Variants in LIN37 observed in about 807,000 individuals in gnomAD.
The protein encoded by LIN37 is protein lin-37 homolog.
In LIN37, 21 loss-of-function variants were observed where a neutral mutation model predicts 38.0. The observed-to-expected ratio is 0.55, with a 90% confidence interval of 0.39 to 0.80. The LOEUF is 0.80. LIN37 is among the 30% of genes least tolerant of loss of function. The pLI is 0.00. For synonymous variants in LIN37, 126 were observed against 122.9 expected (o/e 1.03, Z -0.17); for missense variants, 273 against 338.5 (o/e 0.81, Z 1.52).
At position 35,748,612 on chromosome 19, in the gene LIN37, C is replaced by T. The variant is rs1280150874; in HGVS notation, c.-113C>T. The stretch of plus-strand genomic sequence containing the variant: ...TGGACACAACCAAAGGCGGAGGACC[C>T]GTGGCCCACGAAGCTCATCTTTGAA... On this transcript the variant is annotated 5_prime_UTR_variant, in exon 1 of 9. Transcript: ENST00000301159. 7 of 1,440,940 alleles carry T rather than the reference C, an allele frequency of 4.9e-6. No homozygotes were observed. The highest frequency in any genetic ancestry group is 2.3e-5 in the East Asian group (1 of 43,910). The allele number at this position is 1,440,940 out of a possible 1,614,324, so 89.3% of individuals were successfully genotyped here.
chr19:35,754,235 T>C lies in LIN37; in HGVS notation c.586-11T>C, dbSNP rs1970722430. On this transcript the variant is annotated splice_polypyrimidine_tract_variant and intron_variant, in intron 7 of 8. Coordinates refer to ENST00000301159, the MANE Select transcript of LIN37 (RefSeq NM_019104.3). ...GAATGGCCACTCAACCTGGCCTGTC[T>C]GTCCATGCAGCCCTCTGAGCCCGAG... 1 of 1,614,018 alleles carries C rather than the reference T, an allele frequency of 6.2e-7. No homozygotes were observed. Among genetic ancestry groups the C allele is most frequent in the Non-Finnish European group, 8.5e-7 (1 of 1,179,882 alleles).
chr19:35,753,258 G>T lies in LIN37; in HGVS notation c.444+5G>T, dbSNP rs775090538. 1.9e-6 allele frequency: 3 copies of T among 1,545,944 alleles called. 1 individual carries two copies. The South Asian group carries it at 3.6e-5, about 18-fold the overall frequency. Reference sequence around the variant, plus strand: ...CCGCTGCCTGAGGATGAGGAGGTGGGATGGGTAGTGGGTCCCAGCCCAGCA... The same window carrying T: ...CCGCTGCCTGAGGATGAGGAGGTGGTATGGGTAGTGGGTCCCAGCCCAGCA... On this transcript the variant is annotated splice_donor_5th_base_variant and intron_variant, in intron 6 of 8. Transcript: ENST00000301159.
chr19:35,748,697 C>T lies in LIN37; in HGVS notation c.-28C>T, dbSNP rs1354846507. On this transcript the variant is annotated 5_prime_UTR_variant, in exon 1 of 9. Transcript: ENST00000301159. Reference sequence around the variant, plus strand: ...CTAGGCCCTTTGGGGCGCCTCTGACCCAGCTAGCCAGATCCCGGACCCAAA... The same window carrying T: ...CTAGGCCCTTTGGGGCGCCTCTGACTCAGCTAGCCAGATCCCGGACCCAAA... 1.2e-6 allele frequency: 2 copies of T among 1,613,854 alleles called. No homozygotes were observed. The highest frequency in any genetic ancestry group is 1.6e-4 in the Middle Eastern group (1 of 6,062).
At chr19:35,748,836 C>T in intron 1 of LIN37, 78 bp downstream of exon 1, 2 of 1,610,458 alleles carry the variant, frequency 1.2e-6, no homozygotes, top group Non-Finnish European at 1.7e-6. Flanking sequence ...GGGAGTATCG[C>T]GGAAAGGGGA....
intron 1 of LIN37, among the ~76,000 whole-genome samples, chr19:35,750,304 C>T (rs759564689): frequency 1.3e-5 from 2 of 152,098 alleles, no homozygotes; most frequent in Admixed American, 6.6e-5. Flanking sequence ...GGACGTGATC[C>T]GTACCCTCTG....
chr19:35,754,425 G>C lies in LIN37; in HGVS notation c.692G>C (p.Arg231Pro). Reference protein sequence around the residue: ...WKEASHRNQLRYSESMKILRE... With the variant: ...WKEASHRNQLPYSESMKILRE... ...GAGGCCTCTCATCGGAACCAGCTTC[G>C]TTACTCAGAAAGCATGAAGATCCTA... Residue 231 changes from arginine (R) to proline (P), a missense_variant, in exon 9 of 9, where the codon CGT (arginine) becomes CCT (proline). Transcript: ENST00000301159. The C allele has an allele frequency of 1.2e-6, 2 of 1,614,014 alleles. No individual in the cohort carries two copies. Among genetic ancestry groups the C allele is most frequent in the Non-Finnish European group, 1.7e-6 (2 of 1,179,898 alleles).
At chr19:35,749,713 G>A (rs7260184) in intron 1 of LIN37, among the ~76,000 whole-genome samples, 20,299 of 151,232 alleles carry the variant, frequency 0.13, 1,523 homozygotes, top group Middle Eastern at 0.29. Context: ...GCTGAGGCAG[G>A]AGGATCGCTG....
At chr19:35,751,572 G>A (rs1970681160) in intron 1 of LIN37, among the ~76,000 whole-genome samples, 3 of 152,132 alleles carry the variant, frequency 2.0e-5, no homozygotes, top group African/African-American at 7.2e-5. Flanking sequence ...TATGGCATGT[G>A]CCTATAGCCC....
At chr19:35,750,194 G>C (rs1023300647) in intron 1 of LIN37, among the ~76,000 whole-genome samples, 1 of 152,084 alleles carries the variant, frequency 6.6e-6, no homozygotes, top group African/African-American at 2.4e-5. Context: ...CCATGGTGAG[G>C]TACAGGGAGG....
Position 35,754,229 on chromosome 19 carries a change from CCTGT to C in LIN37, c.586-11_586-8del, listed in dbSNP as rs768016378. ...GCTCAGGAATGGCCACTCAACCTGG[CCTGT>C]CTGTCCATGCAGCCCTCTGAGCCCG... On this transcript the variant is annotated splice_polypyrimidine_tract_variant and intron_variant, in intron 7 of 8. Coordinates refer to ENST00000301159, the MANE Select transcript of LIN37 (RefSeq NM_019104.3). 6.2e-7 allele frequency: 1 copy of C among 1,614,006 alleles called. No homozygotes were observed. Among genetic ancestry groups the C allele is most frequent in the South Asian group, 1.1e-5 (1 of 91,090 alleles).
chr19:35,749,069 T>C, intron 1 of LIN37: 2 of 928,564 alleles, frequency 2.2e-6, no homozygotes, highest in Non-Finnish European at 2.7e-6. Context: ...TTTTAAAATA[T>C]TTAAATAGAG....
At position 35,748,593 on chromosome 19, in the gene LIN37, C is replaced by G; in HGVS notation, c.-132C>G. On this transcript the variant is annotated 5_prime_UTR_variant, in exon 1 of 9. Transcript: ENST00000301159. ...TGGTGGCCACGGTCCAGGCTGGACACAACCAAAGGCGGAGGACCCGTGGCC... is the reference window on the plus strand; with the variant it reads ...TGGTGGCCACGGTCCAGGCTGGACAGAACCAAAGGCGGAGGACCCGTGGCC... 7.8e-7 allele frequency: 1 copy of G among 1,282,190 alleles called. No individual in the cohort carries two copies. The highest frequency in any genetic ancestry group is 1.7e-5 in the Admixed American group (1 of 58,866). 79.4% of individuals were successfully genotyped at this position (1,282,190 alleles called of 1,614,324 possible).
Position 35,748,635 on chromosome 19 carries a change from G to C in LIN37, c.-90G>C. On this transcript the variant is annotated 5_prime_UTR_variant, in exon 1 of 9. Coordinates refer to ENST00000301159, the MANE Select transcript of LIN37 (RefSeq NM_019104.3). ...CCCGTGGCCCACGAAGCTCATCTTTGAACTGTCCCCGCCTTCTCCCGCCTT... is the reference window on the plus strand; with the variant it reads ...CCCGTGGCCCACGAAGCTCATCTTTCAACTGTCCCCGCCTTCTCCCGCCTT... 6.3e-7 allele frequency: 1 copy of C among 1,581,158 alleles called. No homozygotes were observed. The highest frequency in any genetic ancestry group is 8.7e-7 in the Non-Finnish European group (1 of 1,150,622).
chr19:35,749,458 A>G lies in LIN37; in HGVS notation c.34+700A>G, dbSNP rs150873414. On this transcript the variant is annotated intron_variant, in intron 1 of 8. Coordinates refer to ENST00000301159, the MANE Select transcript of LIN37 (RefSeq NM_019104.3). ...TGCAGAATTTAGACAGAAAGATAAT[A>G]GTAAAATGATGTAGGATGTCCCATG... 2.0e-3 allele frequency among the ~76,000 whole-genome samples: 298 copies of G among 152,198 alleles called. 1 individual carries two copies. Among genetic ancestry groups the G allele is most frequent in the Non-Finnish European group, 3.4e-3 (230 of 67,994 alleles).
chr19:35,753,910 G>A, intron 6 of LIN37, 107 bp from the exon 7 acceptor site: 1 of 1,303,676 alleles, frequency 7.7e-7, no homozygotes, highest in Non-Finnish European at 1.1e-6. Context: ...CCCTTAGCGA[G>A]CCCCTCATGC....
At chr19:35,753,056 G>A in intron 5 of LIN37, 31 bp from the exon 6 acceptor site, 1 of 1,595,250 alleles carries the variant, frequency 6.3e-7, no homozygotes, top group Non-Finnish European at 8.5e-7. Flanking sequence ...ATGCAAGGAT[G>A]CTCACACACC....
intron 1 of LIN37, 184 bp from the exon 2 acceptor site, chr19:35,751,992 T>A: frequency 1.8e-6 from 1 of 569,402 alleles, no homozygotes; most frequent in Non-Finnish European, 3.2e-6. Context: ...GTGGGACAGC[T>A]CTGGAACTCA....
intron 1 of LIN37, 73 bp downstream of exon 1, chr19:35,748,831 T>A: frequency 6.2e-7 from 1 of 1,610,880 alleles, no homozygotes; most frequent in Non-Finnish European, 8.5e-7. Flanking sequence ...TGGAAGGGAG[T>A]ATCGCGGAAA....
intron 1 of LIN37, chr19:35,749,147 C>T: frequency 3.0e-6 from 1 of 330,554 alleles, no homozygotes; most frequent in Non-Finnish European, 4.6e-6. Context: ...CCCGCCTTAG[C>T]CTCCCAAAGT....
Sources: allele counts gnomAD v4.1 joint callset (sites outside exome capture counted in the v4.1 genomes callset), GRCh38; gene constraint gnomAD v4.1.1; transcripts MANE v1.5; gene names NCBI Gene and HGNC (gene_info 2026-07-23, HGNC 2026-07-21).